Variants in NTM observed in about 807,000 individuals in gnomAD.
The protein encoded by NTM is neurotrimin.
In NTM, 13 loss-of-function variants were observed where a neutral mutation model predicts 42.1. That is an observed-to-expected ratio of 0.31 (90% CI 0.20 to 0.49). The LOEUF (loss-of-function observed/expected upper bound fraction) is 0.49. Ranked by LOEUF, NTM falls within the 20% of genes least tolerant of loss-of-function variation. NTM has a pLI of 0.99. For missense variants in NTM, 373 were observed against 452.8 expected (o/e 0.82, Z 1.60); for synonymous variants, 187 against 179.2 (o/e 1.04, Z -0.35).
chr11:131,376,378 T>A (rs1008429815), intron 1 of NTM, among the ~76,000 whole-genome samples: 2 of 152,214 alleles, frequency 1.3e-5, no homozygotes, highest in Non-Finnish European at 2.9e-5. Flanking sequence ...CCCTCCTTTC[T>A]CTTCTCCTTT....
chr11:132,250,816 T>A (rs532281525), intron 4 of NTM, among the ~76,000 whole-genome samples: 14 of 152,248 alleles, frequency 9.2e-5, no homozygotes, highest in Non-Finnish European at 2.1e-4. Flanking sequence ...ATATTTGTTT[T>A]ACAGTCAATG....
intron 1 of NTM, chr11:131,661,991 G>C (rs2068156388): frequency 6.6e-6 from 1 of 152,108 alleles, no homozygotes; most frequent in African/African-American, 2.4e-5. Flanking sequence ...GTGGGGGCTG[G>C]GTTAACAGAA....
At chr11:131,423,302 C>G (rs569906895) in intron 1 of NTM, among the ~76,000 whole-genome samples, 1 of 152,198 alleles carries the variant, frequency 6.6e-6, no homozygotes, top group African/African-American at 2.4e-5. Context: ...ATCTCACCAA[C>G]TAAGTGTCTG....
intron 3 of NTM, among the ~76,000 whole-genome samples, chr11:132,175,987 G>T (rs2076750286): frequency 6.6e-6 from 1 of 151,956 alleles, no homozygotes; most frequent in Non-Finnish European, 1.5e-5. Flanking sequence ...ACAGGAGCTA[G>T]ATTTTTTGTT....
chr11:131,558,381 G>A (rs2055744859), intron 1 of NTM, among the ~76,000 whole-genome samples: 1 of 152,110 alleles, frequency 6.6e-6, no homozygotes, highest in Non-Finnish European at 1.5e-5. Context: ...AGATTGTCAG[G>A]GAATTGGAGG....
rs908818050 is a variant in NTM, at chr11:131,608,261, G to A, written c.82+237373G>A. On this transcript the variant is annotated intron_variant, in intron 1 of 8. Transcript: ENST00000683400. The stretch of plus-strand genomic sequence containing the variant: ...TTATGGCTGCATAGTATTCCATGGC[G>A]TATATGTGCCACATTTTCTTAATCC... 5.3e-5 allele frequency among the ~76,000 whole-genome samples: 8 copies of A among 152,262 alleles called. No homozygotes were observed. In the East Asian group the frequency reaches 5.8e-4, roughly 11 times the overall value.
intron 1 of NTM, among the ~76,000 whole-genome samples, chr11:131,624,968 A>G (rs370729915): frequency 1.3e-5 from 2 of 152,320 alleles, no homozygotes; most frequent in South Asian, 2.1e-4. Context: ...GAAATTATCA[A>G]TGATTCCAAG....
rs138464250 is a variant in NTM, at chr11:131,586,696, G to C, written c.82+215808G>C. On this transcript the variant is annotated intron_variant, in intron 1 of 8. Coordinates refer to ENST00000683400, the MANE Select transcript of NTM (RefSeq NM_001352005.2). ...ACAGTTTGTTGTTTTAGGCTGCTTT[G>C]TTTGTTACACAGCAACAGATAATTA... 1.8e-3 allele frequency among the ~76,000 whole-genome samples: 274 copies of C among 152,230 alleles called. 2 individuals carry two copies. The highest frequency in any genetic ancestry group is 6.4e-3 in the African/African-American group (267 of 41,546).
intron 4 of NTM, among the ~76,000 whole-genome samples, chr11:132,228,175 A>G (rs989446403): frequency 3.9e-5 from 6 of 152,166 alleles, no homozygotes; most frequent in African/African-American, 1.4e-4. Context: ...AATGTGGACA[A>G]ACACTGCCCA....
At chr11:131,854,392 G>A (rs2045901836) in intron 1 of NTM, among the ~76,000 whole-genome samples, 1 of 152,236 alleles carries the variant, frequency 6.6e-6, no homozygotes, top group Non-Finnish European at 1.5e-5. Flanking sequence ...AGACAATAAA[G>A]AGATGTACAG....
At chr11:132,270,058 C>A (rs2139674092) in intron 4 of NTM, among the ~76,000 whole-genome samples, 1 of 152,272 alleles carries the variant, frequency 6.6e-6, no homozygotes, top group East Asian at 1.9e-4. Flanking sequence ...GCGTCCTACT[C>A]CAGGCAACCA....
rs112467104 is a variant in NTM, at chr11:132,099,300, G to A, written c.168-46982G>A. Among the ~76,000 whole-genome samples, 23 of 152,266 alleles carry A rather than the reference G, an allele frequency of 1.5e-4. 1 individual carries two copies. Among genetic ancestry groups the A allele is most frequent in the African/African-American group, 5.1e-4 (21 of 41,566 alleles). On this transcript the variant is annotated intron_variant, in intron 2 of 8. Coordinates refer to ENST00000683400, the MANE Select transcript of NTM (RefSeq NM_001352005.2). ...CAGAGACTCATACATTATTCCATTT[G>A]GAAAGTGTCTTGGAGGTCTTCTAAT...
chr11:132,174,405 T>C (rs994549124), intron 3 of NTM, among the ~76,000 whole-genome samples: 1 of 152,206 alleles, frequency 6.6e-6, no homozygotes, highest in Non-Finnish European at 1.5e-5. Flanking sequence ...TTTTAGGCTC[T>C]AAAAAAATCG....
chr11:131,380,508 A>C (rs4936130), intron 1 of NTM, among the ~76,000 whole-genome samples: 2 of 151,762 alleles, frequency 1.3e-5, no homozygotes, highest in African/African-American at 4.8e-5. Flanking sequence ...ACCGTGCCCA[A>C]CTGAGTCTTC....
At chr11:132,110,224 T>G (rs2136723783) in intron 2 of NTM, among the ~76,000 whole-genome samples, 1 of 152,348 alleles carries the variant, frequency 6.6e-6, no homozygotes. Context: ...GAACTTTGCT[T>G]GGTGCAGATT....
At chr11:131,503,960 A>G (rs7113856) in intron 1 of NTM, among the ~76,000 whole-genome samples, 24,525 of 152,138 alleles carry the variant, frequency 0.16, 2,621 homozygotes, top group East Asian at 0.47. Flanking sequence ...TGTTAGGGTC[A>G]TTAGTGCTTT....
intron 4 of NTM, 69 bp downstream of exon 4, chr11:132,212,216 T>A: frequency 7.5e-7 from 1 of 1,328,646 alleles, no homozygotes; most frequent in Non-Finnish European, 1.1e-6. Flanking sequence ...TGGTAGGAGG[T>A]TATGGGTGCT....
intron 3 of NTM, among the ~76,000 whole-genome samples, chr11:132,208,515 G>A (rs998035024): frequency 1.3e-5 from 2 of 152,144 alleles, no homozygotes; most frequent in Non-Finnish European, 2.9e-5. Context: ...TTATTAGTGG[G>A]GGGAGACAAT....
chr11:131,455,809 C>T (rs776443396), intron 1 of NTM, among the ~76,000 whole-genome samples: 6 of 152,124 alleles, frequency 3.9e-5, no homozygotes, highest in South Asian at 2.1e-4. Flanking sequence ...CAACTTGGCA[C>T]GTCACCTCTG....
Sources: gnomAD v4.1 joint callset for allele counts (sites outside exome capture counted in the v4.1 genomes callset) on GRCh38, gnomAD v4.1.1 for gene constraint, MANE v1.5 for transcripts, NCBI Gene and HGNC (gene_info 2026-07-23, HGNC 2026-07-21) for gene names.